The following MYPN variants were observed in gnomAD, a reference collection of about 807,000 sequenced individuals.
MYPN encodes the protein sarcomeric protein myopalladin, 145 kDa (MYOP).
In MYPN, 63 loss-of-function variants were observed where a neutral mutation model predicts 129.4. That is an observed-to-expected ratio of 0.49 (90% CI 0.40 to 0.60). The LOEUF is 0.60. MYPN is among the 20% of genes least tolerant of loss of function. MYPN has a pLI of 0.00. For synonymous variants in MYPN, 629 were observed against 600.9 expected, an observed-to-expected ratio of 1.05 and a Z score of -0.68; for missense variants, 1,596 against 1,635.4, an observed-to-expected ratio of 0.98 and a Z score of 0.42.
At position 68,121,957 on chromosome 10, in the gene MYPN, T is replaced by G. The variant is rs769771296; in HGVS notation, c.519T>G (p.Ile173Met). Reference protein sequence around the residue: ...SLFKSHSSKRIRPRACKNHKS... With the variant: ...SLFKSHSSKRMRPRACKNHKS... ...TCAAATCCCACAGCTCCAAAAGGAT[T>G]AGACCTCGTGCCTGCAAAAACCACA... The change falls in exon 2 of 20, where the codon ATT becomes ATG. Residue 173 changes from isoleucine (I) to methionine (M), a missense_variant. Coordinates refer to ENST00000358913, the MANE Select transcript of MYPN (RefSeq NM_032578.4). 5.6e-6 allele frequency: 9 copies of G among 1,614,188 alleles called. No individual in the cohort carries two copies. The highest frequency in any genetic ancestry group is 6.8e-6 in the Non-Finnish European group (8 of 1,180,034).
chr10:68,203,704 C>CACAT (rs1286482138), intron 18 of MYPN, among the ~76,000 whole-genome samples: 58 of 34,686 alleles, frequency 1.7e-3, no homozygotes, highest in South Asian at 0.011. Flanking sequence ...CACACACACA[C>CACAT]ACACACATAC....
In MYPN at chr10:68,201,926, C is replaced by A. The variant is rs876657538; in HGVS notation, c.3591C>A (p.Gly1197=). 29 of 1,614,048 alleles carry A rather than the reference C, an allele frequency of 1.8e-5. No individual in the cohort carries two copies. Among genetic ancestry groups the A allele is most frequent in the Non-Finnish European group, 2.2e-5 (26 of 1,180,036 alleles). The change falls in exon 18 of 20, where the codon GGC becomes GGA. Residue 1197 remains glycine (G), a synonymous_variant. Coordinates refer to ENST00000358913, the MANE Select transcript of MYPN (RefSeq NM_032578.4). The stretch of plus-strand genomic sequence containing the variant: ...TGAGACTGGAGTGCCGCGTGATAGG[C>A]ATGCCCCCACCTGTGTTCTACTGGA... ...HPVRLECRVI[G]MPPPVFYWKK... is the part of the protein sequence containing the mutation.
At chr10:68,142,711 T>C (rs2042596026) in intron 2 of MYPN, among the ~76,000 whole-genome samples, 1 of 152,220 alleles carries the variant, frequency 6.6e-6, no homozygotes, top group South Asian at 2.1e-4. Flanking sequence ...TTCTCAGTTG[T>C]ACCATTCTTA....
chr10:68,097,479 A>G (rs2041962143), intron 1 of MYPN, among the ~76,000 whole-genome samples: 1 of 152,200 alleles, frequency 6.6e-6, no homozygotes, highest in Admixed American at 6.6e-5. Flanking sequence ...TATTTAAAAT[A>G]AATATATTTT....
At chr10:68,159,216 A>T (rs2042933831) in intron 7 of MYPN, among the ~76,000 whole-genome samples, 1 of 152,178 alleles carries the variant, frequency 6.6e-6, no homozygotes, top group African/African-American at 2.4e-5. Context: ...GTGAAAGAGG[A>T]TGCTATTAAT....
At chr10:68,138,382 A>G (rs1302249431) in intron 2 of MYPN, among the ~76,000 whole-genome samples, 1 of 150,792 alleles carries the variant, frequency 6.6e-6, no homozygotes, top group Admixed American at 6.6e-5. Flanking sequence ...GATTACAGGC[A>G]TGAGCCACTG....
At chr10:68,106,660 T>C (rs1053825555), upstream of MYPN, 11 of 711,340 alleles carry the variant, frequency 1.5e-5, no homozygotes, top group East Asian at 2.7e-5. Context: ...CTGGAGCCTA[T>C]AGCGATATAA....
chr10:68,177,029 G>A (rs1186071517), intron 12 of MYPN, among the ~76,000 whole-genome samples: 1 of 152,204 alleles, frequency 6.6e-6, no homozygotes, highest in East Asian at 1.9e-4. Flanking sequence ...CGGAGAGAGA[G>A]CAATTAGAGC....
At chr10:68,142,447 C>A (rs1044774502) in intron 2 of MYPN, among the ~76,000 whole-genome samples, 1 of 152,140 alleles carries the variant, frequency 6.6e-6, no homozygotes, top group African/African-American at 2.4e-5. Flanking sequence ...GAGAATATGA[C>A]CCCTCCTCCT....
In MYPN at chr10:68,114,863, C is replaced by A. The variant is rs116634582; in HGVS notation, c.-2+5140C>A. On this transcript the variant is annotated intron_variant, in intron 1 of 19. Transcript: ENST00000358913. Reference sequence around the variant, plus strand: ...CCAATCTGGTGCCATTTCATCAATGCCATGATCTGTTTTCAAGGGTAATTA... The same window carrying A: ...CCAATCTGGTGCCATTTCATCAATGACATGATCTGTTTTCAAGGGTAATTA... Among the ~76,000 whole-genome samples, 413 of 152,224 alleles carry A rather than the reference C, an allele frequency of 2.7e-3. 4 individuals are homozygous for A. Among genetic ancestry groups the A allele is most frequent in the African/African-American group, 9.7e-3 (405 of 41,542 alleles).
At chr10:68,116,364 C>A (rs2042157190) in intron 1 of MYPN, among the ~76,000 whole-genome samples, 2 of 152,012 alleles carry the variant, frequency 1.3e-5, no homozygotes, top group Admixed American at 6.6e-5. Context: ...ATCTGAGAAT[C>A]CTCAAAGATA....
intron 12 of MYPN, among the ~76,000 whole-genome samples, chr10:68,181,876 CT>C (rs1403784624): frequency 1.3e-5 from 2 of 152,002 alleles, no homozygotes. Flanking sequence ...ACCCTGGACC[CT>C]CTCCAAGAGG....
At chr10:68,094,477 G>C (rs112586929) in intron 1 of MYPN, among the ~76,000 whole-genome samples, 1 of 151,738 alleles carries the variant, frequency 6.6e-6, no homozygotes, top group Non-Finnish European at 1.5e-5. Flanking sequence ...GGCCAGTCTG[G>C]TCTTCAACTC....
At chr10:68,174,729 G>T in intron 11 of MYPN, 73 bp downstream of exon 11, 2 of 1,368,988 alleles carry the variant, frequency 1.5e-6, no homozygotes, top group South Asian at 1.2e-5. Flanking sequence ...AGCTTGATCT[G>T]AAACAGGGCT....
chr10:68,182,336 CACACATATATA>C (rs543466261), intron 12 of MYPN, among the ~76,000 whole-genome samples: 1 of 41,090 alleles, frequency 2.4e-5, no homozygotes, highest in Non-Finnish European at 6.5e-5. Flanking sequence ...ATATATAACA[CACACATATATA>C]ACATATATAT....
chr10:68,152,568 G>T (rs1380851431), intron 6 of MYPN, among the ~76,000 whole-genome samples: 1 of 152,108 alleles, frequency 6.6e-6, no homozygotes, highest in Non-Finnish European at 1.5e-5. Context: ...GTCCATAGAG[G>T]CAACAATAGG....
chr10:68,150,210 G>GTCT (rs1462233342), intron 6 of MYPN, 99 bp downstream of exon 6: 11 of 1,106,788 alleles, frequency 9.9e-6, no homozygotes, highest in Non-Finnish European at 1.5e-5. Context: ...TCAGGATTTG[G>GTCT]TCTTCTGTAT....
intron 18 of MYPN, among the ~76,000 whole-genome samples, chr10:68,205,398 G>A (rs1262657778): frequency 6.6e-6 from 1 of 151,548 alleles, no homozygotes; most frequent in Non-Finnish European, 1.5e-5. Context: ...AATTTCTTTG[G>A]CCAGGTGTGG....
intron 18 of MYPN, among the ~76,000 whole-genome samples, chr10:68,203,682 C>T (rs1018206113): frequency 3.6e-5 from 5 of 138,978 alleles, no homozygotes; most frequent in South Asian, 2.4e-4. Context: ...GGTCCTAAAA[C>T]GCGCACGCAC....
Sources: gnomAD v4.1 joint callset for allele counts (sites outside exome capture counted in the v4.1 genomes callset) on GRCh38, gnomAD v4.1.1 for gene constraint, MANE v1.5 for transcripts, NCBI Gene and HGNC (gene_info 2026-07-23, HGNC 2026-07-21) for gene names.